Variants in FAM227B observed in about 807,000 individuals in gnomAD.
FAM227B encodes protein FAM227B.
Under a neutral mutation model 73.8 loss-of-function variants are expected in FAM227B, and 88 were observed. The observed-to-expected ratio is 1.19, with a 90% CI of 1.00 to 1.42. The LOEUF (loss-of-function observed/expected upper bound fraction) is 1.42, where lower values mean the gene tolerates loss of function less well. Among genes scored for constraint, FAM227B ranks in the 40% most tolerant of loss-of-function variants. The pLI is 0.00. For missense variants in FAM227B, 632 were observed against 590.9 expected, an observed-to-expected ratio of 1.07 and a Z score of -0.72; for synonymous variants, 210 against 190.5, an observed-to-expected ratio of 1.10 and a Z score of -0.84.
chr15:49,434,014 G>C (rs2050856397), intron 11 of FAM227B, among the ~76,000 whole-genome samples: 1 of 151,696 alleles, frequency 6.6e-6, no homozygotes, highest in Non-Finnish European at 1.5e-5. Context: ...CAGCACTGAA[G>C]GGAGGAGAGG....
chr15:49,417,115 G>A (rs1427467199), intron 11 of FAM227B, among the ~76,000 whole-genome samples: 1 of 152,072 alleles, frequency 6.6e-6, no homozygotes, highest in Non-Finnish European at 1.5e-5. Flanking sequence ...TAGCTGGTTG[G>A]GTGCAGTTGC....
At chr15:49,478,147 C>T (rs1231613931) in intron 11 of FAM227B, among the ~76,000 whole-genome samples, 1 of 152,114 alleles carries the variant, frequency 6.6e-6, no homozygotes, top group Non-Finnish European at 1.5e-5. Context: ...TTAGCTCCCA[C>T]TTATAAGGGA....
intron 13 of FAM227B, among the ~76,000 whole-genome samples, chr15:49,337,054 T>C (rs770490745): frequency 3.3e-5 from 5 of 152,232 alleles, no homozygotes; most frequent in Non-Finnish European, 7.3e-5. Context: ...TAGAATTCCA[T>C]GGTGTATATG....
chr15:49,401,364 A>C (rs2048132607), intron 11 of FAM227B, among the ~76,000 whole-genome samples: 3 of 152,164 alleles, frequency 2.0e-5, no homozygotes, highest in Non-Finnish European at 4.4e-5. Flanking sequence ...GGTGCTGGAG[A>C]GGATGTGGAG....
intron 11 of FAM227B, chr15:49,396,435 T>C (rs1205282715): frequency 5.0e-6 from 1 of 200,806 alleles, no homozygotes; most frequent in Admixed American, 5.4e-5. Context: ...CGCCCGCCAT[T>C]GCCCAGGCTT....
chr15:49,436,620 G>A (rs182153254), intron 11 of FAM227B, among the ~76,000 whole-genome samples: 104 of 151,572 alleles, frequency 6.9e-4, no homozygotes, highest in African/African-American at 2.3e-3. Flanking sequence ...TCTTCACAGG[G>A]CTCTTATTAG....
At chr15:49,435,109 G>T (rs1257767935) in intron 11 of FAM227B, among the ~76,000 whole-genome samples, 1 of 151,466 alleles carries the variant, frequency 6.6e-6, no homozygotes, top group Non-Finnish European at 1.5e-5. Flanking sequence ...GAAGTGAGAG[G>T]GGGGTACATG....
intron 9 of FAM227B, among the ~76,000 whole-genome samples, chr15:49,551,262 AGAGGG>A (rs1270920810): frequency 4.1e-5 from 3 of 73,582 alleles, no homozygotes; most frequent in African/African-American, 1.9e-4. Context: ...AGCATGAGGG[AGAGGG>A]AGAGGGAGAG....
chr15:49,375,963 ATTGT>A (rs1460981357), intron 11 of FAM227B, among the ~76,000 whole-genome samples: 1 of 152,016 alleles, frequency 6.6e-6, no homozygotes, highest in Admixed American at 6.6e-5. Flanking sequence ...TGTATTAGTG[ATTGT>A]TTGAACTTAT....
intron 9 of FAM227B, among the ~76,000 whole-genome samples, chr15:49,562,578 T>G (rs1020453892): frequency 6.6e-6 from 1 of 151,242 alleles, no homozygotes; most frequent in Non-Finnish European, 1.5e-5. Context: ...AGATCCCTGA[T>G]GAACACAGAG....
chr15:49,449,154 G>C (rs1315622163), intron 11 of FAM227B, among the ~76,000 whole-genome samples: 1 of 151,838 alleles, frequency 6.6e-6, no homozygotes, highest in East Asian at 1.9e-4. Flanking sequence ...GCTCACTCTA[G>C]CACTATCTCA....
chr15:49,350,854 G>A (rs2042138709), intron 13 of FAM227B, among the ~76,000 whole-genome samples: 1 of 152,176 alleles, frequency 6.6e-6, no homozygotes, highest in Admixed American at 6.5e-5. Context: ...GGATAAATGG[G>A]AGTGAATAAG....
At chr15:49,511,444 TTTC>T (rs2058993122) in intron 10 of FAM227B, among the ~76,000 whole-genome samples, 1 of 152,122 alleles carries the variant, frequency 6.6e-6, no homozygotes, top group Admixed American at 6.6e-5. Flanking sequence ...TAGGCACATA[TTTC>T]TTATTTTATT....
chr15:49,387,868 T>C (rs1332600416), intron 11 of FAM227B, among the ~76,000 whole-genome samples: 1 of 151,606 alleles, frequency 6.6e-6, no homozygotes, highest in African/African-American at 2.4e-5. Context: ...TGATCTCTTT[T>C]ATAAGAGCTG....
intron 11 of FAM227B, among the ~76,000 whole-genome samples, chr15:49,471,484 A>AAAT (rs201297260): frequency 0.17 from 23,767 of 137,628 alleles, 2,266 homozygotes; most frequent in East Asian, 0.32. Context: ...CTCTATCTCA[A>AAAT]AATAATAATA....
intron 3 of FAM227B, among the ~76,000 whole-genome samples, chr15:49,591,362 A>ACCCCC (rs1567656618): frequency 9.8e-6 from 1 of 102,416 alleles, no homozygotes; most frequent in Admixed American, 1.1e-4. Flanking sequence ...GAGCCACCAC[A>ACCCCC]CCCTCCCTCC....
At chr15:49,611,186 TG>T (rs1307636432) in intron 3 of FAM227B, 28 bp downstream of exon 3, 5 of 1,353,324 alleles carry the variant, frequency 3.7e-6, no homozygotes, top group Non-Finnish European at 5.3e-6. Flanking sequence ...AATGATGTAA[TG>T]GCACATAAAA....
intron 10 of FAM227B, among the ~76,000 whole-genome samples, chr15:49,533,384 G>C (rs1294032164): frequency 6.6e-6 from 1 of 151,250 alleles, no homozygotes; most frequent in Non-Finnish European, 1.5e-5. Context: ...TGTCTGTTAG[G>C]TCCATTTTGT....
chr15:49,422,842 G>T, intron 11 of FAM227B: 1 of 702,530 alleles, frequency 1.4e-6, no homozygotes, highest in Non-Finnish European at 2.3e-6. Context: ...ACACATACCA[G>T]TTTTGTTCTA....
Sources: allele counts gnomAD v4.1 joint callset (sites outside exome capture counted in the v4.1 genomes callset), GRCh38; gene constraint gnomAD v4.1.1; transcripts MANE v1.5; gene names NCBI Gene and HGNC (gene_info 2026-07-23, HGNC 2026-07-21).